The following LRRTM4 variants were observed in gnomAD, a reference collection of about 807,000 sequenced individuals.
LRRTM4 encodes the protein leucine rich repeat transmembrane neuronal 4.
Under a neutral mutation model 47.6 loss-of-function variants are expected in LRRTM4, and 25 were observed. The ratio of observed to expected loss-of-function variants is 0.53; its 90% CI spans 0.38 to 0.73. The LOEUF is 0.73. Among genes scored for constraint, LRRTM4 ranks in the 30% least tolerant of loss-of-function variants. The probability of loss-of-function intolerance (pLI) is 0.00; values close to 1 mark genes in which losing one functional copy is unlikely to be tolerated. For synonymous variants in LRRTM4, 311 were observed against 269.5 expected (o/e 1.15, Z -1.51); for missense variants, 638 against 713.4 (o/e 0.89, Z 1.20).
intron 3 of LRRTM4, among the ~76,000 whole-genome samples, chr2:76,757,162 A>C (rs1673062288): frequency 6.6e-6 from 1 of 152,116 alleles, no homozygotes; most frequent in Admixed American, 6.6e-5. Context: ...ACAATACTCA[A>C]CACACTAGAT....
intron 3 of LRRTM4, among the ~76,000 whole-genome samples, chr2:77,266,016 A>G (rs1332428304): frequency 6.6e-6 from 1 of 152,182 alleles, no homozygotes; most frequent in Non-Finnish European, 1.5e-5. Context: ...CCCACAGGCC[A>G]AATTTGGTCT....
intron 3 of LRRTM4, among the ~76,000 whole-genome samples, chr2:77,042,320 T>C (rs1679061148): frequency 6.6e-6 from 1 of 151,686 alleles, no homozygotes; most frequent in South Asian, 2.1e-4. Context: ...TATGATAAAA[T>C]ATTAACACTG....
chr2:77,332,338 A>G (rs949095368), intron 3 of LRRTM4, among the ~76,000 whole-genome samples: 18 of 152,338 alleles, frequency 1.2e-4, no homozygotes, highest in Non-Finnish European at 2.6e-4. Flanking sequence ...AGTCAACAGA[A>G]GACAGAAATC....
At chr2:77,116,544 C>A (rs550125922) in intron 3 of LRRTM4, among the ~76,000 whole-genome samples, 3 of 152,212 alleles carry the variant, frequency 2.0e-5, no homozygotes, top group South Asian at 4.1e-4. Context: ...CATTTTCTAA[C>A]CACAATGAAC....
At chr2:76,990,546 A>G (rs1304920225) in intron 3 of LRRTM4, among the ~76,000 whole-genome samples, 2 of 151,790 alleles carry the variant, frequency 1.3e-5, no homozygotes, top group Non-Finnish European at 1.5e-5. Flanking sequence ...GTAAAAAAGG[A>G]AAAGAATGGG....
At chr2:77,161,634 T>G (rs1405693962) in intron 3 of LRRTM4, among the ~76,000 whole-genome samples, 1 of 152,110 alleles carries the variant, frequency 6.6e-6, no homozygotes, top group Non-Finnish European at 1.5e-5. Flanking sequence ...AAAAAAAATT[T>G]CCAATATATT....
chr2:76,906,197 T>C (rs1673832244), intron 3 of LRRTM4, among the ~76,000 whole-genome samples: 1 of 152,158 alleles, frequency 6.6e-6, no homozygotes, highest in Admixed American at 6.5e-5. Context: ...ATATTCAACA[T>C]TCTTAAAGAA....
At position 77,478,589 on chromosome 2, in the gene LRRTM4, TGTTG is replaced by T. The variant is rs1309491040; in HGVS notation, c.1551+39725_1551+39728del. On this transcript the variant is annotated intron_variant, in intron 3 of 3. Transcript: ENST00000409884. ...AAATTTTACACTTTCCACAAGCTCC[TGTTG>T]GTTGAGAAATATTCTTTTGTACACA... Among the ~76,000 whole-genome samples, 5 of 152,352 alleles carry T rather than the reference TGTTG, an allele frequency of 3.3e-5. No homozygotes were observed. The South Asian group carries it at 1.0e-3, about 32-fold the overall frequency.
At chr2:77,200,263 G>C (rs1000979087) in intron 3 of LRRTM4, among the ~76,000 whole-genome samples, 6 of 152,060 alleles carry the variant, frequency 3.9e-5, no homozygotes, top group Non-Finnish European at 1.5e-5. Context: ...TAGTGTGAAT[G>C]TCCCAGAAAC....
chr2:77,390,051 T>C (rs1558720847), intron 3 of LRRTM4, among the ~76,000 whole-genome samples: 1 of 152,084 alleles, frequency 6.6e-6, no homozygotes, highest in East Asian at 1.9e-4. Flanking sequence ...CTAAAGAACA[T>C]ATGGCCACCT....
intron 3 of LRRTM4, among the ~76,000 whole-genome samples, chr2:77,206,044 G>A (rs1674116200): frequency 6.6e-6 from 1 of 152,002 alleles, no homozygotes; most frequent in Non-Finnish European, 1.5e-5. Context: ...GTATCACTAT[G>A]TTGCCCAGGC....
intron 3 of LRRTM4, among the ~76,000 whole-genome samples, chr2:76,941,234 CATATT>C (rs1311521936): frequency 1.2e-4 from 18 of 152,158 alleles, no homozygotes; most frequent in African/African-American, 3.1e-4. Context: ...AGGATGCACA[CATATT>C]ATATTTTATA....
At position 76,864,819 on chromosome 2, in the gene LRRTM4, C is replaced by T. The variant is rs77852152; in HGVS notation, c.1552-115903G>A. Among the ~76,000 whole-genome samples, 154 of 144,288 alleles carry T rather than the reference C, an allele frequency of 1.1e-3. 4 individuals are homozygous for T. In the East Asian group the frequency reaches 0.033, roughly 31 times the overall value. The allele number at this position is 144,288 out of a possible 152,430, so 94.7% of individuals were successfully genotyped here. A position where few individuals can be genotyped will look rare whatever the true frequency, so the allele number is the denominator to read the frequency against. ...AAGGCTCACTGCAGCTTCAACCTCC[C>T]GGGCTCAAGTGATTCTCCCATCTCA... On this transcript the variant is annotated intron_variant, in intron 3 of 3. Transcript: ENST00000409884.
chr2:77,522,268 G>A lies in LRRTM4; in HGVS notation c.-307C>T, dbSNP rs189735036. On this transcript the variant is annotated 5_prime_UTR_variant, in exon 1 of 4. Coordinates refer to ENST00000409884, the MANE Select transcript of LRRTM4 (RefSeq NM_001134745.3). ...ATCCATTTAGCTGGTCAGGTTTAAA[G>A]TGTTTTGTAGCTGTGCTGGGAGGCA... is the stretch of plus-strand genomic sequence containing the variant. 4.2e-4 allele frequency: 246 copies of A among 589,436 alleles called. 2 individuals carry two copies. Among genetic ancestry groups the A allele is most frequent in the Middle Eastern group, 2.9e-3 (11 of 3,752 alleles). 36.5% of individuals were successfully genotyped at this position (589,436 alleles called of 1,614,324 possible).
chr2:77,230,895 C>A (rs181681633), intron 3 of LRRTM4, among the ~76,000 whole-genome samples: 2 of 152,020 alleles, frequency 1.3e-5, no homozygotes, highest in African/African-American at 4.8e-5. Context: ...AAATTAATTT[C>A]TATTTTGAAA....
chr2:77,317,020 T>C (rs931964411), intron 3 of LRRTM4, among the ~76,000 whole-genome samples: 25 of 152,142 alleles, frequency 1.6e-4, no homozygotes, highest in African/African-American at 5.8e-4. Context: ...ACCTAAGAAA[T>C]CAAATCATAG....
chr2:76,896,587 A>G (rs542897406), intron 3 of LRRTM4, among the ~76,000 whole-genome samples: 139 of 152,112 alleles, frequency 9.1e-4, no homozygotes, highest in African/African-American at 3.2e-3. Context: ...TCAAAGTTAC[A>G]GGCTACTTGT....
intron 3 of LRRTM4, among the ~76,000 whole-genome samples, chr2:77,190,359 G>A (rs189603638): frequency 5.6e-5 from 8 of 141,898 alleles, no homozygotes; most frequent in Non-Finnish European, 1.2e-4. Context: ...GCAACGGCAC[G>A]ATCTTGGCTC....
At chr2:76,877,601 G>A (rs1011325090) in intron 3 of LRRTM4, among the ~76,000 whole-genome samples, 7 of 151,636 alleles carry the variant, frequency 4.6e-5, no homozygotes, top group South Asian at 2.1e-4. Context: ...TAATTATTTC[G>A]GTTTATTTCA....
Sources: allele counts gnomAD v4.1 joint callset (sites outside exome capture counted in the v4.1 genomes callset), GRCh38; gene constraint gnomAD v4.1.1; transcripts MANE v1.5; gene names NCBI Gene and HGNC (gene_info 2026-07-23, HGNC 2026-07-21).